The following SLC24A3 variants were observed in gnomAD, a reference collection of about 807,000 sequenced individuals.
The protein encoded by SLC24A3 is sodium/potassium/calcium exchanger 3.
Under a neutral mutation model 75.8 loss-of-function variants are expected in SLC24A3, and 28 were observed. The observed-to-expected ratio is 0.37, with a 90% CI of 0.27 to 0.51. The LOEUF (loss-of-function observed/expected upper bound fraction) is 0.51. Ranked by LOEUF, SLC24A3 falls within the 20% of genes least tolerant of loss-of-function variation. The probability of loss-of-function intolerance (pLI) is 0.94; values close to 1 mark genes in which losing one functional copy is unlikely to be tolerated. For synonymous variants in SLC24A3, 372 were observed against 334.1 expected (o/e 1.11, Z -1.24); for missense variants, 663 against 847.8 (o/e 0.78, Z 2.71).
intron 2 of SLC24A3, among the ~76,000 whole-genome samples, chr20:19,414,520 A>G (rs1986796210): frequency 6.6e-6 from 1 of 152,220 alleles, no homozygotes; most frequent in Admixed American, 6.5e-5. Context: ...AACTTTTAAG[A>G]TATAACATTA....
intron 2 of SLC24A3, among the ~76,000 whole-genome samples, chr20:19,431,537 G>A (rs986094519): frequency 1.1e-4 from 16 of 151,990 alleles, no homozygotes; most frequent in African/African-American, 3.9e-4. Context: ...TCAGTGGTGA[G>A]GTGCCTGTCG....
chr20:19,302,238 C>T (rs1030879868), intron 2 of SLC24A3, among the ~76,000 whole-genome samples: 2 of 152,208 alleles, frequency 1.3e-5, no homozygotes, highest in Non-Finnish European at 2.9e-5. Flanking sequence ...CCTGTGTGGG[C>T]AGGGGCTGGG....
In SLC24A3 at chr20:19,681,908, G is replaced by A. The variant is rs1469471144; in HGVS notation, c.818G>A (p.Gly273Glu). The stretch of plus-strand genomic sequence containing the variant: ...TTTGAGAGGAGGACAAAAGGTGCCG[G>A]GAACATGGTCAACGGATTGGCCAAC... ...QCFERRTKGA[G>E]NMVNGLANNA... The change falls in exon 10 of 17, where the codon GGG (glycine) becomes GAG (glutamate). Residue 273 changes from glycine to glutamate, a missense_variant. Around this residue, in one of 2 missense-constraint regions of SLC24A3, gnomAD observed 510 missense variants for 703.6 expected, o/e 0.72. Transcript: ENST00000328041. 1.2e-6 allele frequency: 2 copies of A among 1,614,174 alleles called. No individual in the cohort carries two copies. The highest frequency in any genetic ancestry group is 1.6e-4 in the Middle Eastern group (1 of 6,062).
chr20:19,294,524 C>T (rs186293423), intron 2 of SLC24A3, among the ~76,000 whole-genome samples: 1 of 152,178 alleles, frequency 6.6e-6, no homozygotes. Flanking sequence ...CATGTGGGAA[C>T]ATGCAGTGTT....
chr20:19,627,051 C>T (rs146754818), intron 6 of SLC24A3, among the ~76,000 whole-genome samples: 1,748 of 152,310 alleles, frequency 0.011, 18 homozygotes, highest in Middle Eastern at 0.041. Context: ...TGATCAGGAG[C>T]GAAGCCACTT....
intron 15 of SLC24A3, among the ~76,000 whole-genome samples, chr20:19,700,111 A>G (rs1480474011): frequency 2.0e-5 from 3 of 152,166 alleles, no homozygotes; most frequent in East Asian, 1.9e-4. Flanking sequence ...TGTGTCAACA[A>G]CTTTCGCAGA....
intron 3 of SLC24A3, among the ~76,000 whole-genome samples, chr20:19,543,631 TGGGAG>T (rs1337160266): frequency 6.6e-6 from 1 of 151,876 alleles, no homozygotes; most frequent in South Asian, 2.1e-4. Flanking sequence ...TCCCACCGGG[TGGGAG>T]GGAAGTCTTC....
At chr20:19,687,761 C>T (rs2032694969) in intron 12 of SLC24A3, among the ~76,000 whole-genome samples, 1 of 152,150 alleles carries the variant, frequency 6.6e-6, no homozygotes, top group African/African-American at 2.4e-5. Context: ...CCTTTCAGAT[C>T]CCTGGTTCCG....
At chr20:19,221,119 A>G (rs994971612) in intron 1 of SLC24A3, among the ~76,000 whole-genome samples, 1 of 152,166 alleles carries the variant, frequency 6.6e-6, no homozygotes, top group Non-Finnish European at 1.5e-5. Context: ...GTGTAGTAGC[A>G]TGAACATAGC....
At chr20:19,354,358 A>G (rs944465984) in intron 2 of SLC24A3, among the ~76,000 whole-genome samples, 18 of 152,178 alleles carry the variant, frequency 1.2e-4, no homozygotes, top group African/African-American at 3.9e-4. Flanking sequence ...AAACGAGGCA[A>G]TAGGAGCAGA....
intron 3 of SLC24A3, among the ~76,000 whole-genome samples, chr20:19,573,578 G>A (rs1371010943): frequency 6.6e-6 from 1 of 152,194 alleles, no homozygotes; most frequent in Non-Finnish European, 1.5e-5. Flanking sequence ...TAGAAATACA[G>A]AAGGAGCTGA....
At chr20:19,617,844 C>T (rs984374607) in intron 6 of SLC24A3, among the ~76,000 whole-genome samples, 4 of 152,066 alleles carry the variant, frequency 2.6e-5, no homozygotes, top group Non-Finnish European at 4.4e-5. Context: ...ACGGTTCAGA[C>T]GAGGCGGCAT....
chr20:19,402,369 A>G (rs1814027907), intron 2 of SLC24A3, among the ~76,000 whole-genome samples: 2 of 152,206 alleles, frequency 1.3e-5, no homozygotes, highest in Admixed American at 1.3e-4. Context: ...TATTAGAACT[A>G]TTATTTAGCA....
chr20:19,355,639 A>G (rs1985665557), intron 2 of SLC24A3, among the ~76,000 whole-genome samples: 1 of 152,354 alleles, frequency 6.6e-6, no homozygotes, highest in African/African-American at 2.4e-5. Context: ...TTTCAAAAAC[A>G]TAGCATAAAA....
intron 2 of SLC24A3, among the ~76,000 whole-genome samples, chr20:19,290,316 C>T (rs1193373134): frequency 6.6e-6 from 1 of 152,120 alleles, no homozygotes; most frequent in East Asian, 1.9e-4. Context: ...GGTTTTCAAG[C>T]TTCCAGGGGG....
chr20:19,669,050 A>G (rs940695149), intron 8 of SLC24A3, among the ~76,000 whole-genome samples: 1 of 152,198 alleles, frequency 6.6e-6, no homozygotes, highest in African/African-American at 2.4e-5. Context: ...ATCATGATTC[A>G]TGCTCAGGGC....
intron 2 of SLC24A3, among the ~76,000 whole-genome samples, chr20:19,468,304 A>T (rs1987803461): frequency 6.6e-6 from 1 of 152,108 alleles, no homozygotes; most frequent in African/African-American, 2.4e-5. Flanking sequence ...GAAATGATGG[A>T]GTAGAAAGGG....
chr20:19,686,191 T>G (rs527398235), intron 12 of SLC24A3, among the ~76,000 whole-genome samples: 1 of 152,270 alleles, frequency 6.6e-6, no homozygotes, highest in Admixed American at 6.5e-5. Flanking sequence ...GGCAGCTTGG[T>G]GCACAAAAGG....
At chr20:19,596,578 G>A (rs1483962137) in intron 6 of SLC24A3, among the ~76,000 whole-genome samples, 1 of 152,154 alleles carries the variant, frequency 6.6e-6, no homozygotes, top group Non-Finnish European at 1.5e-5. Flanking sequence ...ATTAAAAGTT[G>A]TTGATGTTAT....
Sources: gnomAD v4.1 joint callset for allele counts (sites outside exome capture counted in the v4.1 genomes callset) on GRCh38, gnomAD v4.1.1 for gene constraint, gnomAD v4.1.1 regional missense constraint, MANE v1.5 for transcripts, NCBI Gene and HGNC (gene_info 2026-07-23, HGNC 2026-07-21) for gene names.